The following SETD5 variants were observed in gnomAD, a reference collection of about 807,000 sequenced individuals.
SETD5 encodes histone-lysine N-methyltransferase SETD5.
A neutral mutation model predicts 153.3 loss-of-function variants in SETD5; 44 were observed. That is an observed-to-expected ratio of 0.29 (90% CI 0.23 to 0.37). SETD5 has a LOEUF of 0.37. Among genes scored for constraint, SETD5 ranks in the 10% least tolerant of loss-of-function variants. SETD5 has a pLI of 1.00. For missense variants in SETD5, 1,544 were observed against 1,768.0 expected (o/e 0.87, Z 2.27); for synonymous variants, 716 against 645.2 (o/e 1.11, Z -1.66).
chr3:9,412,274 T>C (rs1207796129), intron 1 of SETD5, among the ~76,000 whole-genome samples: 3 of 151,658 alleles, frequency 2.0e-5, no homozygotes. Context: ...TATTAGAAGA[T>C]AGTATTTTAG....
At chr3:9,446,286 CAAAA>C (rs577044895) in intron 13 of SETD5, among the ~76,000 whole-genome samples, 11 of 22,862 alleles carry the variant, frequency 4.8e-4, no homozygotes, top group African/African-American at 7.2e-4. Flanking sequence ...GACTCCATCT[CAAAA>C]AAAAAAAAAA....
At chr3:9,473,199 AGTACCGTTTTT>A in intron 19 of SETD5, 26 bp from the exon 20 acceptor site, 1 of 1,592,226 alleles carries the variant, frequency 6.3e-7, no homozygotes, top group Non-Finnish European at 8.6e-7. Context: ...ATCCAGATAG[AGTACCGTTTTT>A]TGTTTGTTTG....
Position 9,476,443 on chromosome 3 carries a change from G to A in SETD5, c.*352G>A. The stretch of plus-strand genomic sequence containing the variant: ...AGCCCGTAGTCACTTGTGCAGTGAG[G>A]ACATCTTTTTAAATTTAAAAAAAAA... On this transcript the variant is annotated 3_prime_UTR_variant, in exon 23 of 23. Coordinates refer to ENST00000402198, the MANE Select transcript of SETD5 (RefSeq NM_001080517.3). 1 of 169,590 alleles carries A rather than the reference G, an allele frequency of 5.9e-6. No homozygotes were observed. Among genetic ancestry groups the A allele is most frequent in the Non-Finnish European group, 1.2e-5 (1 of 83,080 alleles). 10.5% of individuals were successfully genotyped at this position (169,590 alleles called of 1,614,324 possible).
chr3:9,431,598 T>G, intron 3 of SETD5: 1 of 985,728 alleles, frequency 1.0e-6, no homozygotes, highest in Non-Finnish European at 1.2e-6. Flanking sequence ...GTTTAAATTT[T>G]ATATTTGGCA....
chr3:9,439,460 GCAAGTTTA>G (rs1238918123), intron 7 of SETD5, among the ~76,000 whole-genome samples: 1 of 152,224 alleles, frequency 6.6e-6, no homozygotes, highest in Non-Finnish European at 1.5e-5. Context: ...GTACCTGTTT[GCAAGTTTA>G]ATGTGGACAT....
chr3:9,416,061 G>C (rs994842271), intron 1 of SETD5, among the ~76,000 whole-genome samples: 3 of 151,890 alleles, frequency 2.0e-5, no homozygotes, highest in Admixed American at 1.3e-4. Context: ...TTTTTTTGTG[G>C]TTCAAATAGG....
rs1461206277 is a variant in SETD5, at chr3:9,436,034, C to G, written c.567+128C>G. 6 of 793,118 alleles carry G rather than the reference C, an allele frequency of 7.6e-6. No homozygotes were observed. The Admixed American group carries it at 1.4e-4, about 19-fold the overall frequency. 49.1% of individuals were successfully genotyped at this position (793,118 alleles called of 1,614,324 possible). On this transcript the variant is annotated intron_variant, in intron 7 of 22. Transcript: ENST00000402198. ...TGAAGGGCCACTTTTGTTCTACTTG[C>G]AAAAATCAGCTAATCTGTGTTATGT...
chr3:9,399,429 G>C (rs1021431115), intron 1 of SETD5, among the ~76,000 whole-genome samples: 1 of 151,954 alleles, frequency 6.6e-6, no homozygotes. Context: ...GAGGACGTAG[G>C]GCTTTTTTTT....
chr3:9,475,748 A>G lies in SETD5; in HGVS notation c.3986A>G (p.Asn1329Ser), dbSNP rs926616226. ...TTTAGCAGCCAGCCACATTCTGGAAACAGCACTGGCAGCAATCTTCCAAGG... is the reference window on the plus strand; with the variant it reads ...TTTAGCAGCCAGCCACATTCTGGAAGCAGCACTGGCAGCAATCTTCCAAGG... ...GYFSSQPHSG[N>S]STGSNLPRRS... The change falls in exon 23 of 23, where the codon AAC (asparagine) becomes AGC (serine). Residue 1329 changes from asparagine (N) to serine (S), a missense_variant. Coordinates refer to ENST00000402198, the MANE Select transcript of SETD5 (RefSeq NM_001080517.3). The G allele has an allele frequency of 6.2e-7, 1 of 1,613,956 alleles. No individual in the cohort carries two copies. Among genetic ancestry groups the G allele is most frequent in the African/African-American group, 1.3e-5 (1 of 75,056 alleles).
chr3:9,444,460 A>G (rs572429107), intron 11 of SETD5, among the ~76,000 whole-genome samples: 96 of 152,354 alleles, frequency 6.3e-4, no homozygotes, highest in African/African-American at 2.1e-3. Context: ...GTATGGCCAC[A>G]TCAGACTTTA....
intron 13 of SETD5, 84 bp from the exon 14 acceptor site, chr3:9,446,966 A>G (rs2042093593): frequency 1.0e-6 from 1 of 969,716 alleles, no homozygotes; most frequent in Non-Finnish European, 1.5e-6. Context: ...ATTTCTGTAA[A>G]TTTCCATTAA....
intron 1 of SETD5, among the ~76,000 whole-genome samples, chr3:9,423,459 CTG>C (rs2038713536): frequency 6.6e-6 from 1 of 152,154 alleles, no homozygotes; most frequent in Admixed American, 6.5e-5. Context: ...TAAATTGAAA[CTG>C]TGATGCATTC....
intron 3 of SETD5, chr3:9,429,924 C>T: frequency 7.7e-7 from 1 of 1,302,932 alleles, no homozygotes; most frequent in Non-Finnish European, 1.0e-6. Context: ...GGGGGCAGCA[C>T]ACCCCCAGAA....
At chr3:9,470,169 C>CTAAA (rs909179631) in intron 18 of SETD5, among the ~76,000 whole-genome samples, 1 of 152,170 alleles carries the variant, frequency 6.6e-6, no homozygotes, top group African/African-American at 2.4e-5. Flanking sequence ...TGATGAAAGG[C>CTAAA]TAAGCAGGCA....
At chr3:9,435,537 A>G (rs1252855059) in intron 6 of SETD5, among the ~76,000 whole-genome samples, 191 bp from the exon 7 acceptor site, 1 of 152,254 alleles carries the variant, frequency 6.6e-6, no homozygotes, top group Non-Finnish European at 1.5e-5. Context: ...CAGGGTTTAT[A>G]TGCTTAATGC....
At chr3:9,416,781 A>T (rs1296655072) in intron 1 of SETD5, among the ~76,000 whole-genome samples, 1 of 152,160 alleles carries the variant, frequency 6.6e-6, no homozygotes, top group African/African-American at 2.4e-5. Flanking sequence ...TCATAGACAC[A>T]ACTGGTATTT....
chr3:9,434,050 C>G lies in SETD5; in HGVS notation c.177+100C>G. On this transcript the variant is annotated intron_variant, in intron 4 of 22. Transcript: ENST00000402198. This position sits in a 1 kb window ranked among gnomAD's most constrained non-coding sequence, Gnocchi z 5.6. ...CTTGAAATGTTTATATGCAGCATGA[C>G]GAAGTTGCCCCTTTTGCACTTCCCT... The G allele has an allele frequency of 1.9e-6, 3 of 1,607,488 alleles. No individual in the cohort carries two copies. The South Asian group carries it at 3.3e-5, about 18-fold the overall frequency.
At chr3:9,413,126 G>A (rs949949527) in intron 1 of SETD5, among the ~76,000 whole-genome samples, 16 of 152,148 alleles carry the variant, frequency 1.1e-4, no homozygotes, top group Non-Finnish European at 5.9e-5. Context: ...AGATGTTTCA[G>A]TCTTTCCCTG....
chr3:9,431,526 A>G (rs1298596489), intron 3 of SETD5: 7 of 980,842 alleles, frequency 7.1e-6, no homozygotes, highest in Non-Finnish European at 7.3e-6. Context: ...GTAAGTGTCT[A>G]ACTGTGTATT....
Sources: allele counts gnomAD v4.1 joint callset (sites outside exome capture counted in the v4.1 genomes callset), GRCh38; gene constraint gnomAD v4.1.1; non-coding constraint Gnocchi (gnomAD v3.1); transcripts MANE v1.5; gene names NCBI Gene and HGNC (gene_info 2026-07-23, HGNC 2026-07-21).